SNX9: variants seen among roughly 807,000 people sequenced by gnomAD.
SNX9 encodes the protein sorting nexin 9, also known as sorting nexin-9.
In SNX9, 44 loss-of-function variants were observed where a neutral mutation model predicts 89.4. The ratio of observed to expected loss-of-function variants is 0.49; its 90% CI spans 0.39 to 0.63. The LOEUF is 0.63. SNX9 is among the 30% of genes least tolerant of loss of function. The pLI, the probability that SNX9 is intolerant of heterozygous loss-of-function variation, is 0.00. For synonymous variants in SNX9, 236 were observed against 247.8 expected (o/e 0.95, Z 0.45); for missense variants, 578 against 736.1 (o/e 0.79, Z 2.49).
chr6:157,941,720 C>T (rs181440009), intron 17 of SNX9, among the ~76,000 whole-genome samples: 41 of 152,272 alleles, frequency 2.7e-4, no homozygotes, highest in African/African-American at 8.4e-4. Flanking sequence ...GTGGCATCTG[C>T]GAGCTGGACA....
intron 4 of SNX9, among the ~76,000 whole-genome samples, chr6:157,877,437 T>C (rs577515550): frequency 1.8e-4 from 28 of 152,250 alleles, no homozygotes; most frequent in Non-Finnish European, 3.8e-4. Flanking sequence ...TTTTAACTGC[T>C]ATCTCTGCCC....
chr6:157,883,386 T>C (rs1782667882), intron 4 of SNX9, among the ~76,000 whole-genome samples: 1 of 152,136 alleles, frequency 6.6e-6, no homozygotes, highest in Non-Finnish European at 1.5e-5. Context: ...CATCTCCTTG[T>C]TTAAGAAACT....
At chr6:157,902,731 G>A (rs138530742) in intron 6 of SNX9, among the ~76,000 whole-genome samples, 1,737 of 152,182 alleles carry the variant, frequency 0.011, 41 homozygotes, top group African/African-American at 0.04. Flanking sequence ...GCAGTGGTGC[G>A]ATCTTGGTTC....
intron 16 of SNX9, among the ~76,000 whole-genome samples, chr6:157,940,104 C>G (rs972590726): frequency 6.6e-6 from 1 of 152,174 alleles, no homozygotes; most frequent in Admixed American, 6.5e-5. Flanking sequence ...CAAGGCTTCC[C>G]GTACTGAAGA....
intron 3 of SNX9, 56 bp from the exon 4 acceptor site, chr6:157,874,987 CCTCGAAGA>C: frequency 1.3e-6 from 2 of 1,538,798 alleles, no homozygotes; most frequent in Non-Finnish European, 8.8e-7. Context: ...TCTTGCTTGC[CCTCGAAGA>C]CTCCCTGAAG....
intron 12 of SNX9, among the ~76,000 whole-genome samples, chr6:157,931,244 C>T (rs76848999): frequency 0.025 from 3,879 of 152,258 alleles, 113 homozygotes; most frequent in African/African-American, 0.07. Flanking sequence ...AACTGAGGTA[C>T]CACAGGGGTA....
At chr6:157,861,707 A>G (rs896920338) in intron 1 of SNX9, among the ~76,000 whole-genome samples, 2 of 152,220 alleles carry the variant, frequency 1.3e-5, no homozygotes, top group African/African-American at 4.8e-5. Context: ...GATGCCTGCA[A>G]CCAAGGATAA....
At chr6:157,883,941 T>C (rs1271252909) in intron 4 of SNX9, among the ~76,000 whole-genome samples, 1 of 152,282 alleles carries the variant, frequency 6.6e-6, no homozygotes, top group Admixed American at 6.5e-5. Context: ...TAAGAGACTT[T>C]GTACCATAAT....
At chr6:157,906,441 A>G (rs1460766321) in intron 7 of SNX9, among the ~76,000 whole-genome samples, 1 of 152,210 alleles carries the variant, frequency 6.6e-6, no homozygotes, top group Non-Finnish European at 1.5e-5. Flanking sequence ...TTAGTATTGA[A>G]CAAATATACT....
At chr6:157,915,926 A>G (rs1583235351) in intron 9 of SNX9, among the ~76,000 whole-genome samples, 1 of 151,202 alleles carries the variant, frequency 6.6e-6, no homozygotes, top group East Asian at 1.9e-4. Context: ...TTGCATATAG[A>G]GATCGCTTGA....
At chr6:157,851,005 C>T (rs1274443793) in intron 1 of SNX9, among the ~76,000 whole-genome samples, 1 of 152,108 alleles carries the variant, frequency 6.6e-6, no homozygotes, top group Non-Finnish European at 1.5e-5. Flanking sequence ...CCTGTAATCC[C>T]AGCACTTTGG....
intron 17 of SNX9, among the ~76,000 whole-genome samples, chr6:157,941,901 T>C (rs1426472419): frequency 6.6e-6 from 1 of 152,258 alleles, no homozygotes; most frequent in Non-Finnish European, 1.5e-5. Context: ...CTATGCTCTT[T>C]AAATGCACAC....
At chr6:157,869,260 G>A (rs1466487870) in intron 2 of SNX9, among the ~76,000 whole-genome samples, 4 of 152,034 alleles carry the variant, frequency 2.6e-5, no homozygotes, top group Admixed American at 2.0e-4. Flanking sequence ...TACACTATGC[G>A]GTCTCAGATT....
chr6:157,884,934 A>C (rs1190273395), intron 4 of SNX9, among the ~76,000 whole-genome samples: 1 of 152,198 alleles, frequency 6.6e-6, no homozygotes, highest in Admixed American at 6.5e-5. Flanking sequence ...TCCTGTCATC[A>C]GCACAGTGTA....
At position 157,864,800 on chromosome 6, in the gene SNX9, C is replaced by T. The variant is rs184412217; in HGVS notation, c.13-2747C>T. ...ATCCCAGTATTTTGGGAGGCCGAGG[C>T]GGGCAGATCATGAGGTCAACAGATC... On this transcript the variant is annotated intron_variant, in intron 1 of 17. Coordinates refer to ENST00000392185, the MANE Select transcript of SNX9 (RefSeq NM_016224.5). Among the ~76,000 whole-genome samples the T allele has an allele frequency of 8.6e-5, 13 of 151,878 alleles. No individual in the cohort carries two copies. In the East Asian group the frequency reaches 1.4e-3, roughly 16 times the overall value.
rs1783743272 is a variant in SNX9 at position 157,928,623 on chromosome 6, G to A, written c.1209G>A (p.Gly403=). 3 of 1,610,958 alleles carry A rather than the reference G, an allele frequency of 1.9e-6. No homozygotes were observed. Among genetic ancestry groups the A allele is most frequent in the Non-Finnish European group, 2.5e-6 (3 of 1,178,800 alleles). Residue 403 remains glycine, a synonymous_variant, in exon 12 of 18, where the codon GGG becomes GGA. Transcript: ENST00000392185. The stretch of plus-strand genomic sequence containing the variant: ...GAGAGCAGAAGTGCGAGGCTGTGGG[G>A]AAGTTCACCAAGGCCATGGATGACG... ...VEIEQKCEAV[G]KFTKAMDDGV...
rs1379959815 is a variant in SNX9 at position 157,943,033 on chromosome 6, C to G, written c.*195C>G. 6.1e-6 allele frequency: 3 copies of G among 493,444 alleles called. No homozygotes were observed. The highest frequency in any genetic ancestry group is 1.1e-5 in the Non-Finnish European group (3 of 284,974). The allele number at this position is 493,444 out of a possible 1,614,324, so 30.6% of individuals were successfully genotyped here. A position where few individuals can be genotyped will look rare whatever the true frequency, so the allele number is the denominator to read the frequency against. On this transcript the variant is annotated 3_prime_UTR_variant, in exon 18 of 18. Coordinates refer to ENST00000392185, the MANE Select transcript of SNX9 (RefSeq NM_016224.5). ...TTAGGGATGGTCTTTTGTTCATTTC[C>G]GCATCCATTATTTAAACCAGTGGAA... is the stretch of plus-strand genomic sequence containing the variant.
intron 1 of SNX9, among the ~76,000 whole-genome samples, chr6:157,853,404 T>C: frequency 6.6e-6 from 1 of 152,206 alleles, no homozygotes; most frequent in African/African-American, 2.4e-5. Flanking sequence ...GAAACTTGAC[T>C]ATGATGTGTC....
rs145846562 is a variant in SNX9, at chr6:157,841,353, T to C, written c.12+17907T>C. On this transcript the variant is annotated intron_variant, in intron 1 of 17. Coordinates refer to ENST00000392185, the MANE Select transcript of SNX9 (RefSeq NM_016224.5). ...GAGAGGCACAAGATAGAAATACAGA[T>C]TTTATTACCTACAGGCCCTGGGAGT... Among the ~76,000 whole-genome samples the C allele has an allele frequency of 5.6e-3, 854 of 152,246 alleles. 5 individuals carry two copies. Among genetic ancestry groups the C allele is most frequent in the African/African-American group, 0.019 (806 of 41,534 alleles).
Sources: gnomAD v4.1 joint callset for allele counts (sites outside exome capture counted in the v4.1 genomes callset) on GRCh38, gnomAD v4.1.1 for gene constraint, MANE v1.5 for transcripts, NCBI Gene and HGNC (gene_info 2026-07-23, HGNC 2026-07-21) for gene names.